Variants in FILIP1L observed in about 807,000 individuals in gnomAD.
FILIP1L encodes filamin A interacting protein 1 like.
Under a neutral mutation model 96.6 loss-of-function variants are expected in FILIP1L, and 55 were observed. That is an observed-to-expected ratio of 0.57 (90% CI 0.46 to 0.71). FILIP1L has a LOEUF of 0.71. Among genes scored for constraint, FILIP1L ranks in the 30% least tolerant of loss-of-function variants. The probability of loss-of-function intolerance (pLI) is 0.00; values close to 1 mark genes in which losing one functional copy is unlikely to be tolerated. For missense variants in FILIP1L, 1,304 were observed against 1,321.2 expected, an observed-to-expected ratio of 0.99 and a Z score of 0.20; for synonymous variants, 467 against 473.9, an observed-to-expected ratio of 0.99 and a Z score of 0.19.
At chr3:100,044,891 C>G (rs1377208519) in intron 1 of FILIP1L, among the ~76,000 whole-genome samples, 1 of 152,156 alleles carries the variant, frequency 6.6e-6, no homozygotes, top group East Asian at 1.9e-4. Context: ...TGGCTCTCTG[C>G]TTTGGTGACA....
chr3:99,936,109 T>C (rs996016300), intron 1 of FILIP1L, among the ~76,000 whole-genome samples: 22 of 152,150 alleles, frequency 1.4e-4, no homozygotes, highest in African/African-American at 5.3e-4. Flanking sequence ...ATTTTTGTTT[T>C]AGAATTGTGG....
chr3:100,043,237 G>A (rs2065232897), intron 1 of FILIP1L, among the ~76,000 whole-genome samples: 1 of 152,162 alleles, frequency 6.6e-6, no homozygotes, highest in African/African-American at 2.4e-5. Flanking sequence ...TCTGCTCTCT[G>A]TACATACAAG....
At chr3:100,097,136 T>C (rs181077942) in intron 1 of FILIP1L, among the ~76,000 whole-genome samples, 257 of 152,216 alleles carry the variant, frequency 1.7e-3, no homozygotes, top group Middle Eastern at 3.4e-3. Flanking sequence ...ACAAACCCTA[T>C]TGTGAACTAC....
intron 1 of FILIP1L, among the ~76,000 whole-genome samples, chr3:100,070,362 CTTCTAATTAATGAAATTTTAA>C (rs1347732419): frequency 6.6e-6 from 1 of 152,134 alleles, no homozygotes; most frequent in East Asian, 1.9e-4. Context: ...TGTTTGATCT[CTTCTAATTAATGAAATTTTAA>C]AGAAAATTTT....
intron 1 of FILIP1L, among the ~76,000 whole-genome samples, chr3:100,071,090 C>CTTTTTTTTTTT (rs61563009): frequency 1.4e-5 from 1 of 70,576 alleles, no homozygotes; most frequent in African/African-American, 6.1e-5. Context: ...GCTACTCTCT[C>CTTTTTTTTTTT]TTTTTTTTTT....
intron 5 of FILIP1L, chr3:99,833,221 GA>G: frequency 6.2e-7 from 1 of 1,609,782 alleles, no homozygotes; most frequent in Non-Finnish European, 8.5e-7. Flanking sequence ...TTAAAAGTCT[GA>G]AGGATGTTGA....
chr3:99,976,166 A>G (rs1708965129), intron 1 of FILIP1L, among the ~76,000 whole-genome samples: 1 of 152,142 alleles, frequency 6.6e-6, no homozygotes, highest in African/African-American at 2.4e-5. Context: ...AAGCCACCGC[A>G]CCTGGCCCAG....
chr3:99,999,916 T>C (rs1463136815), intron 1 of FILIP1L, among the ~76,000 whole-genome samples: 1 of 152,228 alleles, frequency 6.6e-6, no homozygotes, highest in African/African-American at 2.4e-5. Flanking sequence ...CATATTGGAC[T>C]ATGGGCCTCT....
intron 1 of FILIP1L, among the ~76,000 whole-genome samples, chr3:99,961,996 A>G (rs1708506871): frequency 6.6e-6 from 1 of 152,134 alleles, no homozygotes; most frequent in African/African-American, 2.4e-5. Flanking sequence ...GGGGCCCCAA[A>G]TTTAGCCTTG....
chr3:100,069,390 C>T (rs1012357226), intron 1 of FILIP1L, among the ~76,000 whole-genome samples: 4 of 152,082 alleles, frequency 2.6e-5, no homozygotes, highest in African/African-American at 9.7e-5. Context: ...CAGCCATTAG[C>T]TGCCCACATA....
At chr3:100,103,527 G>A (rs1382598628) in intron 1 of FILIP1L, among the ~76,000 whole-genome samples, 1 of 152,166 alleles carries the variant, frequency 6.6e-6, no homozygotes, top group African/African-American at 2.4e-5. Flanking sequence ...CTTGAATCAG[G>A]TTTTTTCTAG....
At chr3:99,868,217 G>C (rs1405257350) in intron 4 of FILIP1L, among the ~76,000 whole-genome samples, 1 of 152,136 alleles carries the variant, frequency 6.6e-6, no homozygotes, top group Non-Finnish European at 1.5e-5. Context: ...AGTTCTTGTG[G>C]GTTTCTCACA....
At chr3:99,916,518 A>C (rs1226105365) in intron 4 of FILIP1L, among the ~76,000 whole-genome samples, 1 of 151,914 alleles carries the variant, frequency 6.6e-6, no homozygotes, top group Non-Finnish European at 1.5e-5. Flanking sequence ...TGACAAATAC[A>C]GTGCTAATGG....
At chr3:100,023,651 T>G (rs991466147) in intron 1 of FILIP1L, 8 of 150,466 alleles carry the variant, frequency 5.3e-5, no homozygotes, top group African/African-American at 2.0e-4. Context: ...GAAGAATCTC[T>G]AATTAGGTAA....
intron 1 of FILIP1L, among the ~76,000 whole-genome samples, chr3:100,013,463 C>G (rs1042676230): frequency 4.1e-5 from 6 of 147,686 alleles, no homozygotes; most frequent in Non-Finnish European, 7.5e-5. Flanking sequence ...AGACTGGTCT[C>G]AAACTCCTGA....
At chr3:99,947,273 T>C (rs947823560) in intron 1 of FILIP1L, among the ~76,000 whole-genome samples, 1 of 152,088 alleles carries the variant, frequency 6.6e-6, no homozygotes, top group Non-Finnish European at 1.5e-5. Flanking sequence ...TAGTTTCCCA[T>C]AGACTTTCTT....
intron 1 of FILIP1L, among the ~76,000 whole-genome samples, chr3:100,001,157 A>G (rs1292660300): frequency 6.6e-6 from 1 of 152,232 alleles, no homozygotes; most frequent in Non-Finnish European, 1.5e-5. Context: ...TTAAGTGGTG[A>G]TAAATTTAGT....
chr3:100,087,137 A>C (rs751512502), intron 1 of FILIP1L, among the ~76,000 whole-genome samples: 2 of 152,210 alleles, frequency 1.3e-5, no homozygotes, highest in Non-Finnish European at 2.9e-5. Flanking sequence ...TGTTTGGGGC[A>C]ATTATGAATA....
At chr3:99,877,707 A>T (rs1705582371) in intron 4 of FILIP1L, among the ~76,000 whole-genome samples, 1 of 152,204 alleles carries the variant, frequency 6.6e-6, no homozygotes, top group African/African-American at 2.4e-5. Context: ...TAATCTTTTT[A>T]GTCTCCTGTG....
Sources: gnomAD v4.1 joint callset for allele counts (sites outside exome capture counted in the v4.1 genomes callset) on GRCh38, gnomAD v4.1.1 for gene constraint, MANE v1.5 for transcripts, NCBI Gene and HGNC (gene_info 2026-07-23, HGNC 2026-07-21) for gene names.